VPS13D: variants seen among roughly 807,000 people sequenced by gnomAD.
VPS13D encodes the protein vacuolar protein sorting 13 homolog D, also known as intermembrane lipid transfer protein VPS13D.
A neutral mutation model predicts 461.9 loss-of-function variants in VPS13D; 187 were observed. The ratio of observed to expected loss-of-function variants is 0.40; its 90% CI spans 0.36 to 0.46. The LOEUF (loss-of-function observed/expected upper bound fraction) is 0.46. Ranked by LOEUF, VPS13D falls within the 20% of genes least tolerant of loss-of-function variation. VPS13D has a pLI of 0.60. For missense variants in VPS13D, 4,711 were observed against 5,364.9 expected (o/e 0.88, Z 3.81); for synonymous variants, 1,951 against 1,986.3 (o/e 0.98, Z 0.47).
intron 67 of VPS13D, among the ~76,000 whole-genome samples, chr1:12,483,487 G>C (rs72869512): frequency 1.3e-5 from 2 of 150,680 alleles, no homozygotes; most frequent in Admixed American, 6.6e-5. Context: ...TTAGTGTGTG[G>C]TTTTTTTTTA....
At chr1:12,416,321 A>T (rs1644793760) in intron 64 of VPS13D, among the ~76,000 whole-genome samples, 1 of 152,142 alleles carries the variant, frequency 6.6e-6, no homozygotes, top group African/African-American at 2.4e-5. Flanking sequence ...GCTGGTGATT[A>T]CTTCTCTATT....
chr1:12,293,833 G>T (rs1642200189), intron 24 of VPS13D, 129 bp downstream of exon 24: 3 of 905,998 alleles, frequency 3.3e-6, no homozygotes, highest in Non-Finnish European at 4.8e-6. Flanking sequence ...GTGTAGATTA[G>T]CTACAGACAT....
intron 60 of VPS13D, among the ~76,000 whole-genome samples, chr1:12,399,595 A>G (rs1301060477): frequency 6.6e-6 from 1 of 152,008 alleles, no homozygotes; most frequent in East Asian, 2.0e-4. Flanking sequence ...CAAGGTGGGC[A>G]GATCACCTGA....
Position 12,415,131 on chromosome 1 carries a change from C to T in VPS13D, c.12075C>T (p.Asp4025=), listed in dbSNP as rs146708040. The change falls in exon 64 of 70, where the codon GAC becomes GAT. Residue 4025 remains aspartate (D), a synonymous_variant. Coordinates refer to ENST00000620676, the MANE Select transcript of VPS13D (RefSeq NM_015378.4). ...TLGFPLIRFE[D]AVINLDPFTR... ...GGTTTCCTTTGATACGGTTTGAAGACGCTGTGATTAATCTAGATCCATTCA... is the reference window on the plus strand; with the variant it reads ...GGTTTCCTTTGATACGGTTTGAAGATGCTGTGATTAATCTAGATCCATTCA... 1.4e-4 allele frequency: 219 copies of T among 1,614,002 alleles called. No homozygotes were observed. In the African/African-American group the frequency reaches 2.2e-3, roughly 16 times the overall value.
rs1344854265 is a variant in VPS13D, at chr1:12,505,791, G to A, written c.12795-1062G>A. Among the ~76,000 whole-genome samples the A allele has an allele frequency of 1.3e-5, 2 of 152,216 alleles. No individual in the cohort carries two copies. Among genetic ancestry groups the A allele is most frequent in the Non-Finnish European group, 2.9e-5 (2 of 68,030 alleles). On this transcript the variant is annotated intron_variant, in intron 68 of 69. Transcript: ENST00000620676. The surrounding 1 kb of genome is among the most constrained non-coding windows in gnomAD (Gnocchi z 4.2). ...GTGATCCTTGCGGGGAGGGGGATGG[G>A]ATCTAGAGAAGTTGGGAGAGCAGGT...
intron 39 of VPS13D, chr1:12,336,169 T>C (rs1643446412): frequency 5.2e-6 from 1 of 193,078 alleles, no homozygotes; most frequent in Non-Finnish European, 1.1e-5. Context: ...GTTTTCTAAT[T>C]GATCGGATTT....
intron 39 of VPS13D, chr1:12,337,061 C>T (rs1389556406): frequency 6.6e-6 from 1 of 152,024 alleles, no homozygotes; most frequent in Non-Finnish European, 1.5e-5. Context: ...TTTCTTCCTT[C>T]CTTTTTAAAA....
At chr1:12,369,739 A>G (rs1465750624) in intron 54 of VPS13D, 37 bp downstream of exon 54, 2 of 1,587,248 alleles carry the variant, frequency 1.3e-6, no homozygotes, top group Admixed American at 1.7e-5. Flanking sequence ...TATAAAGCAG[A>G]AGGTTCTAAT....
intron 3 of VPS13D, among the ~76,000 whole-genome samples, chr1:12,243,915 C>T (rs980320112): frequency 1.3e-5 from 2 of 152,000 alleles, no homozygotes; most frequent in Admixed American, 6.6e-5. Flanking sequence ...TGGGCTTGTG[C>T]GGGACCCGGG....
At chr1:12,337,088 T>C (rs1339317560) in intron 39 of VPS13D, 2 of 152,016 alleles carry the variant, frequency 1.3e-5, no homozygotes, top group African/African-American at 2.4e-5. Context: ...TCCCTCTCTC[T>C]TTCTCTATAG....
At chr1:12,272,139 C>CTA (rs1457285403) in intron 17 of VPS13D, among the ~76,000 whole-genome samples, 2 of 152,152 alleles carry the variant, frequency 1.3e-5, no homozygotes, top group East Asian at 3.8e-4. Context: ...GTGCAGTGAG[C>CTA]TATGATCTGC....
intron 57 of VPS13D, 138 bp downstream of exon 57, chr1:12,379,734 G>T (rs1644247284): frequency 1.8e-6 from 1 of 540,692 alleles, no homozygotes; most frequent in Non-Finnish European, 3.2e-6. Flanking sequence ...TTCCATTTTA[G>T]TTAAAAGGAA....
intron 32 of VPS13D, among the ~76,000 whole-genome samples, chr1:12,320,112 A>G (rs1172886184): frequency 6.6e-6 from 1 of 152,244 alleles, no homozygotes; most frequent in Non-Finnish European, 1.5e-5. Flanking sequence ...TACCTGATCC[A>G]TAAAAGGGCA....
At chr1:12,361,371 TTTTATTTA>T (rs926728174) in intron 50 of VPS13D, among the ~76,000 whole-genome samples, 9 of 142,180 alleles carry the variant, frequency 6.3e-5, no homozygotes, top group Non-Finnish European at 9.1e-5. Context: ...TTATTTTTAT[TTTTATTTA>T]TTTATTTATT....
intron 40 of VPS13D, among the ~76,000 whole-genome samples, chr1:12,339,193 C>T (rs1201850413): frequency 6.6e-6 from 1 of 152,038 alleles, no homozygotes; most frequent in African/African-American, 2.4e-5. Context: ...TTTGTGTATT[C>T]CTGCTTCTAA....
chr1:12,447,752 T>A (rs958753757), intron 65 of VPS13D, among the ~76,000 whole-genome samples: 1 of 152,248 alleles, frequency 6.6e-6, no homozygotes, highest in African/African-American at 2.4e-5. Context: ...GTGAATATAT[T>A]TATTCATTTG....
At position 12,276,946 on chromosome 1, in the gene VPS13D, G is replaced by A; in HGVS notation, c.3358G>A (p.Val1120Met). 6.2e-7 allele frequency: 1 copy of A among 1,614,162 alleles called. No homozygotes were observed. The highest frequency in any genetic ancestry group is 8.5e-7 in the Non-Finnish European group (1 of 1,180,024). ...LDIILNPETI[V>M]ELIGFLQKSF... ...TATTATCCTCAATCCAGAGACGATTGTGGAGCTAATTGGTTTTCTTCAAAA... is the reference window on the plus strand; with the variant it reads ...TATTATCCTCAATCCAGAGACGATTATGGAGCTAATTGGTTTTCTTCAAAA... Residue 1120 changes from valine to methionine, a missense_variant, in exon 19 of 70, where the codon GTG becomes ATG. Around this residue, in one of 3 missense-constraint regions of VPS13D, gnomAD observed 4,411 missense variants for 4,937.8 expected, o/e 0.89. Transcript: ENST00000620676. The surrounding 1 kb of genome is among the most constrained non-coding windows in gnomAD (Gnocchi z 4.5).
At chr1:12,494,254 A>G (rs145593181) in intron 67 of VPS13D, among the ~76,000 whole-genome samples, 1 of 152,340 alleles carries the variant, frequency 6.6e-6, no homozygotes, top group African/African-American at 2.4e-5. Context: ...AAAGAAACAT[A>G]ATGATAGTCA....
Position 12,415,231 on chromosome 1 carries a change from G to T in VPS13D, c.12165+10G>T, listed in dbSNP as rs2100230203. 4.3e-6 allele frequency: 7 copies of T among 1,613,914 alleles called. No individual in the cohort carries two copies. In the East Asian group the frequency reaches 1.6e-4, roughly 36 times the overall value. On this transcript the variant is annotated intron_variant, in intron 64 of 69. Transcript: ENST00000620676. ...CAAACATTTCCAGGAGGTGAGGCTTGGAGAAGTAATCATTGGCTGGAGCAT... is the reference window on the plus strand; with the variant it reads ...CAAACATTTCCAGGAGGTGAGGCTTTGAGAAGTAATCATTGGCTGGAGCAT...
Sources: gnomAD v4.1 joint callset for allele counts (sites outside exome capture counted in the v4.1 genomes callset) on GRCh38, gnomAD v4.1.1 for gene constraint, gnomAD v4.1.1 regional missense constraint, Gnocchi (gnomAD v3.1) non-coding constraint, MANE v1.5 for transcripts, NCBI Gene and HGNC (gene_info 2026-07-23, HGNC 2026-07-21) for gene names.